The following PDE7B variants were observed in gnomAD, a reference collection of about 807,000 sequenced individuals.
PDE7B encodes the protein 3',5'-cyclic-AMP phosphodiesterase 7B.
In PDE7B, 29 loss-of-function variants were observed where a neutral mutation model predicts 56.2. That is an observed-to-expected ratio of 0.52 (90% CI 0.38 to 0.70). The LOEUF is 0.70. Ranked by LOEUF, PDE7B falls within the 30% of genes least tolerant of loss-of-function variation. The probability of loss-of-function intolerance (pLI) is 0.00; values close to 1 mark genes in which losing one functional copy is unlikely to be tolerated. For synonymous variants in PDE7B, 197 were observed against 196.9 expected (o/e 1.00, Z 0.00); for missense variants, 490 against 565.0 (o/e 0.87, Z 1.35).
intron 8 of PDE7B, among the ~76,000 whole-genome samples, chr6:136,157,881 CT>C (rs1242179325): frequency 6.6e-6 from 1 of 152,138 alleles, no homozygotes; most frequent in Non-Finnish European, 1.5e-5. Context: ...GTCCGGTGGC[CT>C]TTAGCTGAGT....
intron 3 of PDE7B, among the ~76,000 whole-genome samples, chr6:136,143,834 C>T (rs1778368202): frequency 6.6e-6 from 1 of 152,040 alleles, no homozygotes; most frequent in African/African-American, 2.4e-5. Flanking sequence ...TAAAGTACTA[C>T]ACTACTTGGA....
At chr6:135,867,221 A>G (rs1775278114) in intron 1 of PDE7B, among the ~76,000 whole-genome samples, 2 of 152,190 alleles carry the variant, frequency 1.3e-5, no homozygotes, top group Non-Finnish European at 2.9e-5. Context: ...AACTTTTTCA[A>G]TAGGACAGAT....
At chr6:136,001,903 T>A (rs1464305099) in intron 2 of PDE7B, among the ~76,000 whole-genome samples, 1 of 151,860 alleles carries the variant, frequency 6.6e-6, no homozygotes, top group East Asian at 1.9e-4. Context: ...AATTGTCAGA[T>A]TCACCAAAGT....
intron 2 of PDE7B, among the ~76,000 whole-genome samples, chr6:136,062,157 G>T (rs979941782): frequency 2.0e-5 from 3 of 152,056 alleles, no homozygotes; most frequent in Non-Finnish European, 4.4e-5. Context: ...CAATCCTCAC[G>T]CCATCCTCAT....
In PDE7B at chr6:136,084,140, T is replaced by TAAC. The variant is rs148061456; in HGVS notation, c.83-24590_83-24588dup. 9.3e-3 allele frequency among the ~76,000 whole-genome samples: 1,409 copies of TAAC among 152,318 alleles called. 26 individuals carry two copies. Among genetic ancestry groups the TAAC allele is most frequent in the African/African-American group, 0.033 (1,355 of 41,572 alleles). On this transcript the variant is annotated intron_variant, in intron 2 of 12. Transcript: ENST00000308191. ...AAATCATTTCGATCATTTCAATCCC[T>TAAC]AACTCTCCAAATTATTTATCCATAT...
chr6:136,168,825 A>T (rs2128449498), intron 8 of PDE7B, among the ~76,000 whole-genome samples: 2 of 152,308 alleles, frequency 1.3e-5, no homozygotes, highest in African/African-American at 4.8e-5. Flanking sequence ...AGGTAAATGC[A>T]AGAATTCCAA....
At chr6:136,021,836 G>C (rs1340464955) in intron 2 of PDE7B, among the ~76,000 whole-genome samples, 1 of 151,988 alleles carries the variant, frequency 6.6e-6, no homozygotes, top group Non-Finnish European at 1.5e-5. Flanking sequence ...TTATATATTA[G>C]ATCACATCAC....
At chr6:136,154,239 C>T in intron 7 of PDE7B, 64 bp downstream of exon 7, 2 of 891,336 alleles carry the variant, frequency 2.2e-6, no homozygotes, top group Admixed American at 3.7e-5. Context: ...CCTGCTAGGC[C>T]CAAGTTACCC....
chr6:135,926,242 A>G (rs542290345), intron 1 of PDE7B, among the ~76,000 whole-genome samples: 1 of 151,778 alleles, frequency 6.6e-6, no homozygotes. Flanking sequence ...ACCCGCCACC[A>G]CGCCCAGCTA....
intron 1 of PDE7B, among the ~76,000 whole-genome samples, chr6:135,937,246 G>T (rs1774436603): frequency 6.6e-6 from 1 of 152,312 alleles, no homozygotes; most frequent in African/African-American, 2.4e-5. Context: ...TCTCTCTATT[G>T]CCTTGAACAG....
intron 1 of PDE7B, among the ~76,000 whole-genome samples, chr6:135,898,249 A>G (rs1003909818): frequency 1.3e-5 from 2 of 152,212 alleles, no homozygotes; most frequent in Non-Finnish European, 2.9e-5. Context: ...ATTGTCTGCT[A>G]AAAGACTTCA....
chr6:136,011,541 A>G (rs1448059828), intron 2 of PDE7B, among the ~76,000 whole-genome samples: 3 of 152,234 alleles, frequency 2.0e-5, no homozygotes, highest in South Asian at 2.1e-4. Flanking sequence ...CATGATTGCA[A>G]TATACTTGTG....
chr6:136,064,115 T>C (rs1184165357), intron 2 of PDE7B, among the ~76,000 whole-genome samples: 2 of 152,202 alleles, frequency 1.3e-5, no homozygotes, highest in South Asian at 2.1e-4. Flanking sequence ...AACTTCTTAA[T>C]TGAACAGCTT....
At chr6:136,185,823 G>T (rs1386014567) in intron 11 of PDE7B, among the ~76,000 whole-genome samples, 1 of 152,034 alleles carries the variant, frequency 6.6e-6, no homozygotes, top group African/African-American at 2.4e-5. Flanking sequence ...AACGTGCCTG[G>T]CACACGGTAG....
intron 2 of PDE7B, among the ~76,000 whole-genome samples, chr6:136,029,306 G>C (rs1776201125): frequency 6.6e-6 from 1 of 152,136 alleles, no homozygotes. Context: ...GAAAAAAAAA[G>C]TAATAACAGC....
chr6:135,989,631 A>G (rs1310059095), intron 2 of PDE7B, among the ~76,000 whole-genome samples: 2 of 152,086 alleles, frequency 1.3e-5, no homozygotes, highest in African/African-American at 2.4e-5. Flanking sequence ...AATAATAATA[A>G]TAATAATAAA....
intron 11 of PDE7B, among the ~76,000 whole-genome samples, chr6:136,182,748 A>T (rs1779086060): frequency 6.6e-6 from 1 of 152,228 alleles, no homozygotes; most frequent in African/African-American, 2.4e-5. Context: ...AGTACAGTAA[A>T]TGGTATCAAC....
At chr6:136,042,296 CA>C (rs1428660324) in intron 2 of PDE7B, among the ~76,000 whole-genome samples, 1 of 152,124 alleles carries the variant, frequency 6.6e-6, no homozygotes, top group Non-Finnish European at 1.5e-5. Context: ...GCTGTGAGGA[CA>C]AATATGATGC....
At chr6:136,166,999 T>C (rs927406386) in intron 8 of PDE7B, among the ~76,000 whole-genome samples, 6 of 152,198 alleles carry the variant, frequency 3.9e-5, no homozygotes, top group Admixed American at 6.5e-5. Flanking sequence ...TCTCTCGCTG[T>C]GCATTGACCT....
Sources: gnomAD v4.1 joint callset for allele counts (sites outside exome capture counted in the v4.1 genomes callset) on GRCh38, gnomAD v4.1.1 for gene constraint, MANE v1.5 for transcripts, NCBI Gene and HGNC (gene_info 2026-07-23, HGNC 2026-07-21) for gene names.